SLMAP: variants seen among roughly 807,000 people sequenced by gnomAD.
SLMAP encodes the protein sarcolemma associated protein, also known as sarcolemmal membrane-associated protein.
A neutral mutation model predicts 128.8 loss-of-function variants in SLMAP; 44 were observed. The ratio of observed to expected loss-of-function variants is 0.34; its 90% CI spans 0.27 to 0.44. SLMAP has a LOEUF of 0.44. Among genes scored for constraint, SLMAP ranks in the 20% least tolerant of loss-of-function variants. The pLI, the probability that SLMAP is intolerant of heterozygous loss-of-function variation, is 1.00. For missense variants in SLMAP, 787 were observed against 985.3 expected (o/e 0.80, Z 2.69); for synonymous variants, 327 against 348.8 (o/e 0.94, Z 0.70).
At chr3:57,897,001 C>A (rs1161778760) in intron 17 of SLMAP, 69 bp downstream of exon 17, 1 of 1,596,796 alleles carries the variant, frequency 6.3e-7, no homozygotes, top group African/African-American at 1.3e-5. Flanking sequence ...AAAATCTGTT[C>A]TAGATATTAT....
intron 17 of SLMAP, among the ~76,000 whole-genome samples, chr3:57,906,310 CTTTTTTTTTTTTTT>C (rs999042505): frequency 4.3e-5 from 2 of 47,048 alleles, no homozygotes; most frequent in Non-Finnish European, 8.5e-5. Context: ...CTTTTTTTTT[CTTTTTTTTTTTTTT>C]TTTTTTTTAG....
At chr3:57,857,422 TAAC>T (rs1457482088) in intron 6 of SLMAP, among the ~76,000 whole-genome samples, 9 of 152,194 alleles carry the variant, frequency 5.9e-5, no homozygotes, top group East Asian at 3.9e-4. Flanking sequence ...AGTAAGAAAT[TAAC>T]AATAATAATA....
rs529572642 is a variant in SLMAP, at chr3:57,828,173, G to C, written c.199-3210G>C. 1.4e-3 allele frequency among the ~76,000 whole-genome samples: 213 copies of C among 152,254 alleles called. 1 individual carries two copies. Among genetic ancestry groups the C allele is most frequent in the Admixed American group, 2.6e-3 (40 of 15,290 alleles). On this transcript the variant is annotated intron_variant, in intron 2 of 24. Transcript: ENST00000671191. ...GGGGTTTCACCATGTTGGCCAGGGT[G>C]GTCTCAAACTCCTGACCTCAGGTGA... is the stretch of plus-strand genomic sequence containing the variant.
At chr3:57,857,269 A>G (rs1207213308) in intron 6 of SLMAP, among the ~76,000 whole-genome samples, 2 of 152,190 alleles carry the variant, frequency 1.3e-5, no homozygotes, top group African/African-American at 4.8e-5. Flanking sequence ...TACATGGAGT[A>G]GCCATTTCCT....
At position 57,923,006 on chromosome 3, in the gene SLMAP, C is replaced by G. The variant is rs758080683; in HGVS notation, c.2428C>G (p.Arg810Gly). The stretch of plus-strand genomic sequence containing the variant: ...GTGTAAAAACAACCTGAAGCTGCTC[C>G]GAGAGAAAGGAAATAATGTAAGTCT... ...KQCKNNLKLL[R>G]EKGNNPSILQ... Residue 810 changes from arginine to glycine, a missense_variant, in exon 23 of 25, where the codon CGA becomes GGA. Coordinates refer to ENST00000671191, the MANE Select transcript of SLMAP (RefSeq NM_001377540.1). 6.2e-7 allele frequency: 1 copy of G among 1,613,326 alleles called. No homozygotes were observed. The highest frequency in any genetic ancestry group is 8.5e-7 in the Non-Finnish European group (1 of 1,179,788).
At chr3:57,911,616 G>A (rs902416042) in intron 19 of SLMAP, among the ~76,000 whole-genome samples, 2 of 151,584 alleles carry the variant, frequency 1.3e-5, no homozygotes, top group African/African-American at 4.8e-5. Flanking sequence ...TAGATATTGG[G>A]GTATCCCCAA....
intron 2 of SLMAP, among the ~76,000 whole-genome samples, chr3:57,782,848 C>T (rs1055118461): frequency 2.0e-5 from 3 of 152,116 alleles, no homozygotes; most frequent in African/African-American, 7.2e-5. Context: ...GTGAGCTTGG[C>T]CCCCTCTTGC....
At chr3:57,880,492 C>T (rs1046561025) in intron 14 of SLMAP, among the ~76,000 whole-genome samples, 1 of 152,048 alleles carries the variant, frequency 6.6e-6, no homozygotes, top group African/African-American at 2.4e-5. Flanking sequence ...CATGAGCCAC[C>T]ATGCCCAGAC....
intron 3 of SLMAP, among the ~76,000 whole-genome samples, chr3:57,833,311 ATCTATCTGTGAGGG>A (rs1465268082): frequency 6.6e-6 from 1 of 152,160 alleles, no homozygotes; most frequent in African/African-American, 2.4e-5. Flanking sequence ...GTTTTTTCCC[ATCTATCTGTGAGGG>A]TCTATCTGTG....
rs150217385 is a variant in SLMAP at position 57,821,840 on chromosome 3, C to T, written c.199-9543C>T. 5.1e-3 allele frequency among the ~76,000 whole-genome samples: 774 copies of T among 152,084 alleles called. 8 individuals are homozygous for T. Among genetic ancestry groups the T allele is most frequent in the African/African-American group, 0.017 (706 of 41,496 alleles). On this transcript the variant is annotated intron_variant, in intron 2 of 24. Coordinates refer to ENST00000671191, the MANE Select transcript of SLMAP (RefSeq NM_001377540.1). ...TTTACAGCTGTATCTTGCATTTTTCCACTTGTTCCTTTGTTTGGTTTTTGT... is the reference window on the plus strand; with the variant it reads ...TTTACAGCTGTATCTTGCATTTTTCTACTTGTTCCTTTGTTTGGTTTTTGT...
At chr3:57,893,841 A>G (rs1352749809) in intron 15 of SLMAP, among the ~76,000 whole-genome samples, 1 of 152,208 alleles carries the variant, frequency 6.6e-6, no homozygotes, top group Non-Finnish European at 1.5e-5. Flanking sequence ...GTCACAGATT[A>G]GATTCCCATG....
rs533162517 is a variant in SLMAP, at chr3:57,919,911, C to A, written c.2310+2834C>A. Among the ~76,000 whole-genome samples, 5 of 152,226 alleles carry A rather than the reference C, an allele frequency of 3.3e-5. No individual in the cohort carries two copies. In the East Asian group the frequency reaches 9.6e-4, roughly 29 times the overall value. ...CGTGGGGCCAGAGTCCTTGCCACCC[C>A]CTCACGTACTGGAGGTAAGCAACAG... is the stretch of plus-strand genomic sequence containing the variant. On this transcript the variant is annotated intron_variant, in intron 22 of 24. Coordinates refer to ENST00000671191, the MANE Select transcript of SLMAP (RefSeq NM_001377540.1).
At chr3:57,906,686 T>C (rs865777616) in intron 17 of SLMAP, among the ~76,000 whole-genome samples, 1 of 145,114 alleles carries the variant, frequency 6.9e-6, no homozygotes, top group Non-Finnish European at 1.5e-5. Context: ...TATATATATA[T>C]ATATATATAT....
chr3:57,765,929 T>C (rs1007913330), intron 2 of SLMAP, among the ~76,000 whole-genome samples: 2 of 152,074 alleles, frequency 1.3e-5, no homozygotes, highest in Non-Finnish European at 2.9e-5. Flanking sequence ...TTTTTCCCAC[T>C]TAGTTCTTTG....
Position 57,928,139 on chromosome 3 carries a change from A to G in SLMAP, c.*850A>G, listed in dbSNP as rs1390154059. Reference sequence around the variant, plus strand: ...GGAGCAAAAACATAGTAATTACACAATTTCAGTGCAGTCAACCAAAATGTT... The same window carrying G: ...GGAGCAAAAACATAGTAATTACACAGTTTCAGTGCAGTCAACCAAAATGTT... On this transcript the variant is annotated 3_prime_UTR_variant, in exon 25 of 25. Transcript: ENST00000671191. The G allele has an allele frequency of 1.3e-5, 2 of 152,570 alleles. No homozygotes were observed. The highest frequency in any genetic ancestry group is 4.8e-5 in the African/African-American group (2 of 41,442). 9.5% of individuals were successfully genotyped at this position (152,570 alleles called of 1,614,324 possible).
intron 2 of SLMAP, among the ~76,000 whole-genome samples, chr3:57,762,053 CAAAAA>C (rs1312577556): frequency 2.2e-5 from 1 of 45,542 alleles, no homozygotes. Flanking sequence ...GACTCCGTCT[CAAAAA>C]AAAAAAAAAA....
At chr3:57,908,604 C>G (rs2096621999) in intron 18 of SLMAP, among the ~76,000 whole-genome samples, 1 of 152,148 alleles carries the variant, frequency 6.6e-6, no homozygotes, top group Admixed American at 6.5e-5. Context: ...TTTCCTAATT[C>G]TCAAAGAAAT....
chr3:57,816,951 G>A (rs971353314), intron 2 of SLMAP, among the ~76,000 whole-genome samples: 22 of 152,182 alleles, frequency 1.4e-4, no homozygotes, highest in African/African-American at 4.3e-4. Context: ...TAGTAGTTAA[G>A]CAAGGGTGGA....
chr3:57,885,442 CAG>C (rs2095856025), intron 14 of SLMAP, among the ~76,000 whole-genome samples: 1 of 127,704 alleles, frequency 7.8e-6, no homozygotes, highest in African/African-American at 2.9e-5. Context: ...TTTTTTGAGA[CAG>C]AGTCTTGTTC....
Sources: allele counts gnomAD v4.1 joint callset (sites outside exome capture counted in the v4.1 genomes callset), GRCh38; gene constraint gnomAD v4.1.1; transcripts MANE v1.5; gene names NCBI Gene and HGNC (gene_info 2026-07-23, HGNC 2026-07-21).